The following RUFY4 variants were observed in gnomAD, a reference collection of about 807,000 sequenced individuals.
RUFY4 encodes the protein RUN and FYVE domain-containing protein 4.
A neutral mutation model predicts 69.0 loss-of-function variants in RUFY4; 73 were observed. The ratio of observed to expected loss-of-function variants is 1.06; its 90% confidence interval spans 0.88 to 1.29. The LOEUF (loss-of-function observed/expected upper bound fraction) is 1.29, where lower values mean the gene tolerates loss of function less well. Among genes scored for constraint, RUFY4 ranks in the 50% most tolerant of loss-of-function variants. The pLI is 0.00. For missense variants in RUFY4, 770 were observed against 705.6 expected (o/e 1.09, Z -1.03); for synonymous variants, 287 against 271.8 (o/e 1.06, Z -0.55).
chr2:218,083,480 T>A (rs931023408), intron 9 of RUFY4, among the ~76,000 whole-genome samples: 14 of 152,208 alleles, frequency 9.2e-5, no homozygotes, highest in African/African-American at 2.6e-4. Context: ...CCAGGCGCAG[T>A]GGTTCACACC....
At chr2:218,073,493 T>C in intron 5 of RUFY4, 107 bp downstream of exon 7, 1 of 1,416,894 alleles carries the variant, frequency 7.1e-7, no homozygotes, top group South Asian at 1.3e-5. Context: ...CATCTGTCTC[T>C]GCCTCCTTTT....
At chr2:218,051,436 A>G (rs528626413) in intron 2 of RUFY4, among the ~76,000 whole-genome samples, 1 of 152,050 alleles carries the variant, frequency 6.6e-6, no homozygotes, top group South Asian at 2.1e-4. Context: ...TCTAATCAAT[A>G]TATTTAATTC....
At chr2:218,060,758 G>A (rs754228568) in intron 3 of RUFY4, 15 of 1,530,760 alleles carry the variant, frequency 9.8e-6, no homozygotes, top group African/African-American at 6.9e-5. Flanking sequence ...GCAGCGGCAC[G>A]ATGAAGCCAA....
chr2:218,075,523 G>C (rs1028136252), exon 7 of RUFY4: 10 of 1,556,102 alleles, frequency 6.4e-6, no homozygotes, highest in Non-Finnish European at 6.9e-6. Context: ...CACGTCCAGA[G>C]GCTGCTGATG....
chr2:218,056,228 TG>T lies in RUFY4; in HGVS notation c.-1157-2366del, dbSNP rs374043803. 5.9e-4 allele frequency among the ~76,000 whole-genome samples: 87 copies of T among 147,176 alleles called. 1 individual carries two copies. The highest frequency in any genetic ancestry group is 2.1e-3 in the African/African-American group (79 of 37,220). ...GATTTATTATATTGTTGCTGGTTGTTGTTTTTTTTTTTTTTTTGTATTCTGC... is the reference window on the plus strand; with the variant it reads ...GATTTATTATATTGTTGCTGGTTGTTTTTTTTTTTTTTTTTTGTATTCTGC... On this transcript the variant is annotated intron_variant and NMD_transcript_variant, in intron 2 of 13. Coordinates refer to the RUFY4 transcript ENST00000457754.
chr2:218,048,738 T>A (rs1688882930), intron 2 of RUFY4, among the ~76,000 whole-genome samples: 1 of 152,220 alleles, frequency 6.6e-6, no homozygotes, highest in South Asian at 2.1e-4. Flanking sequence ...TTGTACCTTG[T>A]AGGATTATGC....
chr2:218,049,697 G>A (rs373646365), intron 2 of RUFY4, among the ~76,000 whole-genome samples: 77 of 152,002 alleles, frequency 5.1e-4, no homozygotes, highest in African/African-American at 1.7e-3. Flanking sequence ...TAGTAGTGAC[G>A]GGGTTTCTCC....
intron 2 of RUFY4, among the ~76,000 whole-genome samples, chr2:218,049,502 G>C (rs201816997): frequency 1.3e-5 from 2 of 150,080 alleles, no homozygotes. Context: ...TTTTCTTGCT[G>C]TTTTAGGTCT....
intron 5 of RUFY4, 127 bp from the exon 8 acceptor site, chr2:218,073,689 G>T (rs1244010888): frequency 2.0e-6 from 2 of 1,001,622 alleles, no homozygotes. Flanking sequence ...GCATGAGGGT[G>T]GGTGGGCAGG....
At chr2:218,069,616 C>T (rs1314240310), upstream of RUFY4, 2 of 152,128 alleles carry the variant, frequency 1.3e-5, no homozygotes, top group African/African-American at 4.8e-5. Flanking sequence ...GATGGAGACC[C>T]AGGTCTCTGG....
At chr2:218,081,771 G>C (rs1689763900) in intron 8 of RUFY4, among the ~76,000 whole-genome samples, 1 of 152,254 alleles carries the variant, frequency 6.6e-6, no homozygotes, top group African/African-American at 2.4e-5. Flanking sequence ...CTGAGCACCA[G>C]AACGCTCTTG....
intron 2 of RUFY4, among the ~76,000 whole-genome samples, chr2:218,055,618 C>A (rs1352885374): frequency 6.6e-6 from 1 of 152,144 alleles, no homozygotes; most frequent in Non-Finnish European, 1.5e-5. Context: ...ATCTTAAATT[C>A]TTCTGGTTTC....
At chr2:218,071,921 C>T (rs1476846108) in intron 2 of RUFY4, among the ~76,000 whole-genome samples, 2 of 152,164 alleles carry the variant, frequency 1.3e-5, no homozygotes, top group East Asian at 1.9e-4. Flanking sequence ...TGCACCCTCT[C>T]CTCAAAGAAC....
rs550944127 is a variant in RUFY4 at position 218,051,742 on chromosome 2, A to G, written c.-1157-6853A>G. Among the ~76,000 whole-genome samples the G allele has an allele frequency of 2.0e-5, 3 of 152,284 alleles. No individual in the cohort carries two copies. The East Asian group carries it at 5.8e-4, about 29-fold the overall frequency. ...AAACATGTTTCTAAGTTTTCTAAAA[A>G]TTAAACACTGACATCAGGGGTACCA... On this transcript the variant is annotated intron_variant and NMD_transcript_variant, in intron 2 of 13. Transcript: ENST00000457754.
chr2:218,058,249 T>C (rs1180912163), intron 2 of RUFY4, among the ~76,000 whole-genome samples: 1 of 152,240 alleles, frequency 6.6e-6, no homozygotes, highest in African/African-American at 2.4e-5. Context: ...CTGATCACTT[T>C]CTCCTTAGCT....
intron 2 of RUFY4, among the ~76,000 whole-genome samples, chr2:218,057,530 A>T (rs1689090028): frequency 6.6e-6 from 1 of 152,194 alleles, no homozygotes; most frequent in African/African-American, 2.4e-5. Context: ...GTTCTTCTTT[A>T]AAAACAGTTT....
At chr2:218,081,724 T>C (rs1437747263) in intron 8 of RUFY4, among the ~76,000 whole-genome samples, 1 of 152,202 alleles carries the variant, frequency 6.6e-6, no homozygotes, top group Admixed American at 6.5e-5. Flanking sequence ...AAGACTAGAA[T>C]GTTCATTAAA....
exon 11 of RUFY4, chr2:218,090,218 G>T: frequency 2.4e-6 from 1 of 408,858 alleles, no homozygotes; most frequent in Non-Finnish European, 4.9e-6. Context: ...TAGGGTGTGG[G>T]GAGTGGTTCC....
At chr2:218,039,090 G>A (rs527477487) in intron 2 of RUFY4, among the ~76,000 whole-genome samples, 25 of 152,220 alleles carry the variant, frequency 1.6e-4, no homozygotes, top group Non-Finnish European at 3.2e-4. Context: ...AACCAACATC[G>A]GTAAAAGCAA....
Sources: allele counts gnomAD v4.1 joint callset (sites outside exome capture counted in the v4.1 genomes callset), GRCh38; gene constraint gnomAD v4.1.1; transcripts MANE v1.5; gene names NCBI Gene and HGNC (gene_info 2026-07-23, HGNC 2026-07-21).